The following VPS13B variants were observed in gnomAD, a reference collection of about 807,000 sequenced individuals.
VPS13B encodes the protein intermembrane lipid transfer protein VPS13B.
Under a neutral mutation model 426.4 loss-of-function variants are expected in VPS13B, and 285 were observed. That is an observed-to-expected ratio of 0.67 (90% confidence interval 0.61 to 0.74). The LOEUF is 0.74. Among genes scored for constraint, VPS13B ranks in the 30% least tolerant of loss-of-function variants. The pLI, the probability that VPS13B is intolerant of heterozygous loss-of-function variation, is 0.00. For synonymous variants in VPS13B, 1,676 were observed against 1,676.4 expected, an observed-to-expected ratio of 1.00 and a Z score of 0.01; for missense variants, 4,537 against 4,782.6, an observed-to-expected ratio of 0.95 and a Z score of 1.51.
intron 39 of VPS13B, among the ~76,000 whole-genome samples, chr8:99,741,851 A>G (rs1381347735): frequency 6.6e-6 from 1 of 152,316 alleles, no homozygotes; most frequent in Middle Eastern, 3.4e-3. Context: ...TTATAGCACT[A>G]AATGCCCACA....
At chr8:99,442,784 A>G (rs1817738664) in intron 23 of VPS13B, 149 bp downstream of exon 23, 1 of 714,252 alleles carries the variant, frequency 1.4e-6, no homozygotes, top group Non-Finnish European at 2.4e-6. Context: ...AAGTGATGCC[A>G]TTTATTGCCT....
chr8:99,526,226 T>G (rs1293035523), intron 30 of VPS13B, among the ~76,000 whole-genome samples: 24 of 152,160 alleles, frequency 1.6e-4, no homozygotes, highest in Admixed American at 1.6e-3. Context: ...CATTCAACCC[T>G]AAAAGAATCA....
chr8:99,121,124 C>T, intron 7 of VPS13B, 53 bp from the exon 8 acceptor site: 6 of 1,541,460 alleles, frequency 3.9e-6, no homozygotes, highest in Non-Finnish European at 3.5e-6. Context: ...TATTTCTATT[C>T]TCTTAGTTAA....
chr8:99,294,281 A>G (rs1391101046), intron 19 of VPS13B, among the ~76,000 whole-genome samples: 2 of 98,304 alleles, frequency 2.0e-5, no homozygotes, highest in African/African-American at 8.0e-5. Flanking sequence ...TCAGTAAACT[A>G]TCACAAGAAC....
chr8:99,496,899 T>C (rs1820917104), intron 25 of VPS13B, among the ~76,000 whole-genome samples: 1 of 151,874 alleles, frequency 6.6e-6, no homozygotes, highest in Admixed American at 6.6e-5. Context: ...CTCTGAGTTG[T>C]GATTTTAGGC....
chr8:99,233,307 G>A, intron 17 of VPS13B: 1 of 1,118,326 alleles, frequency 8.9e-7, no homozygotes, highest in Non-Finnish European at 1.4e-6. Context: ...AGAGCACTCT[G>A]ATATGGGCTT....
At chr8:99,228,943 A>G (rs1816167486) in intron 17 of VPS13B, among the ~76,000 whole-genome samples, 1 of 152,056 alleles carries the variant, frequency 6.6e-6, no homozygotes, top group Non-Finnish European at 1.5e-5. Context: ...ATGTTAGTGG[A>G]GGATGAGTGT....
At chr8:99,748,365 C>T (rs911164227) in intron 39 of VPS13B, among the ~76,000 whole-genome samples, 2 of 151,956 alleles carry the variant, frequency 1.3e-5, no homozygotes, top group African/African-American at 4.8e-5. Context: ...GTTGATTTTG[C>T]AAGACTTAGA....
intron 28 of VPS13B, among the ~76,000 whole-genome samples, chr8:99,510,025 T>C (rs1395654761): frequency 6.6e-6 from 1 of 152,228 alleles, no homozygotes; most frequent in Non-Finnish European, 1.5e-5. Flanking sequence ...TTTTTTACTC[T>C]GTTAAATGTT....
chr8:99,711,254 G>C (rs1422215491), intron 36 of VPS13B, among the ~76,000 whole-genome samples: 1 of 152,144 alleles, frequency 6.6e-6, no homozygotes, highest in Non-Finnish European at 1.5e-5. Flanking sequence ...GGGAGGAGTT[G>C]AATCAGTTGT....
chr8:99,324,356 T>G (rs1050505711), intron 19 of VPS13B, among the ~76,000 whole-genome samples: 7 of 152,220 alleles, frequency 4.6e-5, no homozygotes, highest in Admixed American at 2.6e-4. Context: ...TATATTTTGA[T>G]CCCTCAATCA....
chr8:99,213,972 T>A (rs913686697), intron 17 of VPS13B, among the ~76,000 whole-genome samples: 8 of 152,130 alleles, frequency 5.3e-5, no homozygotes, highest in Non-Finnish European at 1.2e-4. Flanking sequence ...CCCATAAGTA[T>A]TACCAGACCA....
At chr8:99,072,410 T>G (rs1844897293) in intron 3 of VPS13B, among the ~76,000 whole-genome samples, 1 of 152,148 alleles carries the variant, frequency 6.6e-6, no homozygotes, top group South Asian at 2.1e-4. Context: ...CCTCGAACTC[T>G]TCCTGATGCC....
At chr8:99,568,817 GTT>G (rs1208426365) in intron 31 of VPS13B, among the ~76,000 whole-genome samples, 1 of 136,976 alleles carries the variant, frequency 7.3e-6, no homozygotes. Flanking sequence ...TTGTTTTTTT[GTT>G]TTTTTTTTTT....
intron 30 of VPS13B, among the ~76,000 whole-genome samples, chr8:99,523,074 C>T (rs1430843322): frequency 2.0e-5 from 3 of 152,100 alleles, no homozygotes; most frequent in Non-Finnish European, 4.4e-5. Context: ...TTGAAACGTC[C>T]AGAATAGACA....
At chr8:99,764,694 C>T (rs994832177) in intron 39 of VPS13B, among the ~76,000 whole-genome samples, 1 of 151,918 alleles carries the variant, frequency 6.6e-6, no homozygotes, top group East Asian at 1.9e-4. Flanking sequence ...GGATTTCAGA[C>T]GTGAGCCACC....
At chr8:99,581,980 C>G (rs886421607) in intron 33 of VPS13B, among the ~76,000 whole-genome samples, 31 of 151,868 alleles carry the variant, frequency 2.0e-4, no homozygotes, top group African/African-American at 7.3e-4. Flanking sequence ...TAGTTCCTTG[C>G]CTTTTACATG....
At chr8:99,742,090 AGAAGAAAAGAGAG>A (rs1809761447) in intron 39 of VPS13B, among the ~76,000 whole-genome samples, 2 of 152,244 alleles carry the variant, frequency 1.3e-5, no homozygotes, top group African/African-American at 4.8e-5. Context: ...AGACTAATAA[AGAAGAAAAGAGAG>A]AAGAATCAAA....
intron 20 of VPS13B, among the ~76,000 whole-genome samples, chr8:99,384,992 A>G (rs1293425731): frequency 6.6e-6 from 1 of 152,112 alleles, no homozygotes; most frequent in Non-Finnish European, 1.5e-5. Flanking sequence ...TTTTATTTTT[A>G]TCTCTACATT....
Sources: gnomAD v4.1 joint callset for allele counts (sites outside exome capture counted in the v4.1 genomes callset) on GRCh38, gnomAD v4.1.1 for gene constraint, MANE v1.5 for transcripts, NCBI Gene and HGNC (gene_info 2026-07-23, HGNC 2026-07-21) for gene names.